The following CLIP1 variants were observed in gnomAD, a reference collection of about 807,000 sequenced individuals.
CLIP1 encodes the protein CAP-Gly domain-containing linker protein 1.
CLIP1 carries 66 observed loss-of-function variants against 161.6 expected under a neutral mutation model. The ratio of observed to expected loss-of-function variants is 0.41; its 90% CI spans 0.33 to 0.50. CLIP1 has a LOEUF of 0.50. CLIP1 is among the 20% of genes least tolerant of loss of function. CLIP1 has a pLI of 0.27. For synonymous variants in CLIP1, 598 were observed against 626.2 expected (o/e 0.96, Z 0.67); for missense variants, 1,376 against 1,702.0 (o/e 0.81, Z 3.37).
chr12:122,354,792 C>T (rs948348694), intron 6 of CLIP1: 6 of 576,960 alleles, frequency 1.0e-5, no homozygotes, highest in Middle Eastern at 4.6e-4. Context: ...AGCTGAAACA[C>T]ATATTAAGAG....
chr12:122,316,895 ATTT>A, intron 18 of CLIP1, 40 bp from the exon 19 acceptor site: 1 of 1,207,664 alleles, frequency 8.3e-7, no homozygotes. Flanking sequence ...AAATTATTTC[ATTT>A]TCCAGTGACA....
intron 12 of CLIP1, 40 bp from the exon 13 acceptor site, chr12:122,334,745 C>A: frequency 7.8e-7 from 1 of 1,282,352 alleles, no homozygotes; most frequent in Non-Finnish European, 1.1e-6. Flanking sequence ...AGAAAGATTT[C>A]AAATTGTAAA....
In CLIP1 at chr12:122,316,765, C is replaced by T. The variant is rs1407438404; in HGVS notation, c.3457G>A (p.Glu1153Lys). The T allele has an allele frequency of 1.3e-6, 2 of 1,558,050 alleles. No homozygotes were observed. The highest frequency in any genetic ancestry group is 1.7e-6 in the Non-Finnish European group (2 of 1,153,154). ...GAAACTTACATTTCTTTCCTAAATT[C>T]TTCCATTTTTTGATTCTCTACAGTC... ...LLTVENQKME[E>K]FRKEIETLKQ... Residue 1153 changes from glutamate to lysine, a missense_variant, in exon 19 of 26, where the codon GAA (glutamate) becomes AAA (lysine). Physicochemically the swap from Glu to Lys is moderately conservative, Grantham distance 56 (BLOSUM62 1). This residue lies in a region of CLIP1 where 948 missense variants were observed against 1,134.8 expected (regional missense o/e 0.84). Transcript: ENST00000620786.
chr12:122,420,779 T>A (rs549670214), intron 1 of CLIP1, among the ~76,000 whole-genome samples: 1 of 151,852 alleles, frequency 6.6e-6, no homozygotes, highest in African/African-American at 2.4e-5. Context: ...CTACCACAGA[T>A]ACAAAAATTA....
intron 7 of CLIP1, among the ~76,000 whole-genome samples, chr12:122,354,252 A>T (rs935272913): frequency 6.6e-6 from 1 of 151,936 alleles, no homozygotes; most frequent in African/African-American, 2.4e-5. Context: ...AAAATTAGCC[A>T]GGCGTGGTGG....
chr12:122,313,105 G>A (rs1951122153), intron 19 of CLIP1, among the ~76,000 whole-genome samples: 1 of 152,150 alleles, frequency 6.6e-6, no homozygotes, highest in Admixed American at 6.5e-5. Flanking sequence ...CAGCTTCCAT[G>A]GAACGCTACC....
chr12:122,294,339 A>AC (rs1555257830), intron 20 of CLIP1, among the ~76,000 whole-genome samples: 5 of 143,288 alleles, frequency 3.5e-5, no homozygotes, highest in Non-Finnish European at 6.3e-5. Context: ...AAAAAAAAAA[A>AC]AAAACAAAAA....
At chr12:122,383,484 T>C (rs1307660031) in intron 1 of CLIP1, among the ~76,000 whole-genome samples, 1 of 152,186 alleles carries the variant, frequency 6.6e-6, no homozygotes, top group Non-Finnish European at 1.5e-5. Context: ...TCATAAGCTC[T>C]GTCTAGGGCT....
intron 1 of CLIP1, among the ~76,000 whole-genome samples, chr12:122,381,738 G>A (rs79281967): frequency 0.02 from 3,006 of 152,310 alleles, 68 homozygotes; most frequent in African/African-American, 0.049. Flanking sequence ...AAAGAATCTG[G>A]CCAGGGATGA....
At chr12:122,337,763 C>A (rs1160811305) in intron 11 of CLIP1, among the ~76,000 whole-genome samples, 1 of 152,118 alleles carries the variant, frequency 6.6e-6, no homozygotes, top group Non-Finnish European at 1.5e-5. Flanking sequence ...CGCCTGTAAT[C>A]CCAGCACTTT....
intron 5 of CLIP1, among the ~76,000 whole-genome samples, chr12:122,356,318 A>G (rs1953357927): frequency 6.6e-6 from 1 of 152,210 alleles, no homozygotes; most frequent in Non-Finnish European, 1.5e-5. Flanking sequence ...TTCAAGAGAA[A>G]CACAGCGACA....
intron 17 of CLIP1, chr12:122,324,413 C>T (rs923697729): frequency 6.6e-6 from 1 of 152,078 alleles, no homozygotes; most frequent in African/African-American, 2.4e-5. Flanking sequence ...AGAATGGAAA[C>T]AAAAATGAAA....
At chr12:122,281,863 C>A (rs530349528) in intron 21 of CLIP1, among the ~76,000 whole-genome samples, 26 of 151,886 alleles carry the variant, frequency 1.7e-4, no homozygotes, top group East Asian at 3.9e-4. Context: ...CTAAAAAAAA[C>A]CAGGATTTTG....
chr12:122,274,052 T>G lies in CLIP1; in HGVS notation c.4077A>C (p.Leu1359=). 6.2e-7 allele frequency: 1 copy of G among 1,613,832 alleles called. No individual in the cohort carries two copies. Residue 1359 remains leucine, a synonymous_variant, in exon 25 of 26, where the codon CTA becomes CTC. Transcript: ENST00000620786. ...ATATGAAATACCTGTCATAATTGTT[T>G]AGGTCATCCCCGTTCCCATTCAGGG... ...EAALNGNGDD[L]NNYDSDDQEK...
chr12:122,279,415 A>T lies in CLIP1; in HGVS notation c.3648-270T>A. On this transcript the variant is annotated intron_variant, in intron 21 of 25. Transcript: ENST00000620786. The surrounding 1 kb of genome is among the most constrained non-coding windows in gnomAD (Gnocchi z 4.5). The stretch of plus-strand genomic sequence containing the variant: ...TGAACTTAAAGAAACAAGTTAATAA[A>T]TTTGGAAGAGGTAGAATTAAAAAAA... 5.6e-6 allele frequency: 1 copy of T among 180,080 alleles called. No individual in the cohort carries two copies. The highest frequency in any genetic ancestry group is 2.4e-5 in the African/African-American group (1 of 40,894). 11.2% of individuals were successfully genotyped at this position (180,080 alleles called of 1,614,324 possible). A position where few individuals can be genotyped will look rare whatever the true frequency, so the allele number is the denominator to read the frequency against.
In CLIP1 at chr12:122,378,981, C is replaced by T. The variant is rs371977834; in HGVS notation, c.86-1021G>A. Among the ~76,000 whole-genome samples, 26 of 152,048 alleles carry T rather than the reference C, an allele frequency of 1.7e-4. No individual in the cohort carries two copies. In the East Asian group the frequency reaches 2.5e-3, roughly 15 times the overall value. On this transcript the variant is annotated intron_variant, in intron 2 of 25. Transcript: ENST00000620786. ...TCTCTACTAAAAATACAAAATTAGC[C>T]GGGCATGGTGGAGCGCGCCTGTAGT... is the stretch of plus-strand genomic sequence containing the variant.
chr12:122,401,142 C>T (rs1241286235), intron 1 of CLIP1, among the ~76,000 whole-genome samples: 1 of 152,142 alleles, frequency 6.6e-6, no homozygotes, highest in Non-Finnish European at 1.5e-5. Context: ...AACTCCCGAC[C>T]TCAGGTGATC....
intron 11 of CLIP1, among the ~76,000 whole-genome samples, chr12:122,340,524 C>T (rs747622136): frequency 6.6e-6 from 1 of 152,186 alleles, no homozygotes; most frequent in Non-Finnish European, 1.5e-5. Flanking sequence ...ACCCAGATAA[C>T]AGGCAACCAA....
chr12:122,311,975 T>A lies in CLIP1; in HGVS notation c.3474-2093A>T, dbSNP rs1951077207. ...TTTTCTTTAGTGGGTAGTGGGTGAA[T>A]CCATTTCATAGAGGAAAGAGGCTCC... On this transcript the variant is annotated intron_variant, in intron 19 of 25. Coordinates refer to ENST00000620786, the MANE Select transcript of CLIP1 (RefSeq NM_001247997.2). This position sits in a 1 kb window ranked among gnomAD's most constrained non-coding sequence, Gnocchi z 4.3. Among the ~76,000 whole-genome samples, 1 of 152,148 alleles carries A rather than the reference T, an allele frequency of 6.6e-6. No homozygotes were observed. The highest frequency in any genetic ancestry group is 2.1e-4 in the South Asian group (1 of 4,828).
Sources: gnomAD v4.1 joint callset for allele counts (sites outside exome capture counted in the v4.1 genomes callset) on GRCh38, gnomAD v4.1.1 for gene constraint, gnomAD v4.1.1 regional missense constraint, Gnocchi (gnomAD v3.1) non-coding constraint, MANE v1.5 for transcripts, NCBI Gene and HGNC (gene_info 2026-07-23, HGNC 2026-07-21) for gene names.